EPB41L3: variants seen among roughly 807,000 people sequenced by gnomAD.
EPB41L3 encodes band 4.1-like protein 3.
In EPB41L3, 57 loss-of-function variants were observed where a neutral mutation model predicts 127.1. That is an observed-to-expected ratio of 0.45 (90% CI 0.36 to 0.56). EPB41L3 has a LOEUF of 0.56. Among genes scored for constraint, EPB41L3 ranks in the 20% least tolerant of loss-of-function variants. EPB41L3 has a pLI of 0.00. For missense variants in EPB41L3, 1,273 were observed against 1,372.2 expected (o/e 0.93, Z 1.14); for synonymous variants, 572 against 549.5 (o/e 1.04, Z -0.57).
intron 3 of EPB41L3, among the ~76,000 whole-genome samples, chr18:5,456,467 T>C (rs1235824854): frequency 6.6e-6 from 1 of 152,218 alleles, no homozygotes; most frequent in Non-Finnish European, 1.5e-5. Context: ...TAATGAAATG[T>C]AAATAAGTGG....
chr18:5,520,557 T>TAAAAAAAAA (rs11339935), intron 1 of EPB41L3, among the ~76,000 whole-genome samples: 2 of 105,184 alleles, frequency 1.9e-5, no homozygotes, highest in Non-Finnish European at 2.1e-5. Flanking sequence ...TTTCCCAAAA[T>TAAAAAAAAA]AAAAAAAAAA....
At chr18:5,629,659 G>C (rs1274783993), upstream of EPB41L3, among the ~76,000 whole-genome samples, 1 of 152,174 alleles carries the variant, frequency 6.6e-6, no homozygotes, top group African/African-American at 2.4e-5. Flanking sequence ...CGCTCTCTGG[G>C]CTAGCGGTTC....
At chr18:5,435,218 T>C (rs2079586830) in intron 6 of EPB41L3, among the ~76,000 whole-genome samples, 2 of 152,152 alleles carry the variant, frequency 1.3e-5, no homozygotes, top group Non-Finnish European at 1.5e-5. Context: ...TACAGTAAGC[T>C]AAGGTTAATT....
At chr18:5,399,348 G>A (rs1319505963) in intron 16 of EPB41L3, 1 of 398,810 alleles carries the variant, frequency 2.5e-6, no homozygotes, top group Non-Finnish European at 4.4e-6. Flanking sequence ...AACTACCTCA[G>A]TTGGTATTCT....
intron 16 of EPB41L3, among the ~76,000 whole-genome samples, chr18:5,404,005 AT>A (rs1020351925): frequency 1.3e-5 from 2 of 152,218 alleles, no homozygotes; most frequent in African/African-American, 4.8e-5. Context: ...ATAGGCAATA[AT>A]TTAGAGCAAA....
intron 1 of EPB41L3, among the ~76,000 whole-genome samples, chr18:5,495,239 T>C (rs749711928): frequency 2.0e-5 from 3 of 152,140 alleles, no homozygotes; most frequent in Non-Finnish European, 2.9e-5. Context: ...TTTAAGATTA[T>C]GTAAGAAGCA....
intron 1 of EPB41L3, among the ~76,000 whole-genome samples, chr18:5,628,534 C>T (rs2094949355): frequency 1.3e-5 from 2 of 152,346 alleles, no homozygotes; most frequent in South Asian, 4.1e-4. Context: ...ACTGCGCTAC[C>T]CGCCAGAGCC....
chr18:5,428,108 G>A (rs1317123442), intron 9 of EPB41L3, among the ~76,000 whole-genome samples: 2 of 152,082 alleles, frequency 1.3e-5, no homozygotes, highest in African/African-American at 4.8e-5. Context: ...ATTAACGTAT[G>A]CAGTAGGAAA....
At chr18:5,596,040 G>C (rs751614270) in intron 3 of EPB41L3, among the ~76,000 whole-genome samples, 1 of 152,170 alleles carries the variant, frequency 6.6e-6, no homozygotes, top group Non-Finnish European at 1.5e-5. Context: ...TTTAAACAAT[G>C]AGGTATAAGA....
intron 1 of EPB41L3, among the ~76,000 whole-genome samples, chr18:5,523,037 C>G (rs2093060890): frequency 6.6e-6 from 1 of 151,976 alleles, no homozygotes; most frequent in Non-Finnish European, 1.5e-5. Flanking sequence ...AATTCAAGGA[C>G]CTAGTATCAA....
intron 6 of EPB41L3, among the ~76,000 whole-genome samples, chr18:5,437,640 GTGTGTGTA>G (rs1437319441): frequency 6.6e-6 from 1 of 152,172 alleles, no homozygotes; most frequent in Non-Finnish European, 1.5e-5. Flanking sequence ...AAATTTATGT[GTGTGTGTA>G]TGTGTTGGTT....
At chr18:5,576,775 A>G (rs1479475530) in intron 3 of EPB41L3, among the ~76,000 whole-genome samples, 1 of 152,226 alleles carries the variant, frequency 6.6e-6, no homozygotes, top group African/African-American at 2.4e-5. Context: ...TACAAAATAA[A>G]CTGAAATTAT....
upstream of EPB41L3, among the ~76,000 whole-genome samples, chr18:5,629,892 G>A (rs148470805): frequency 8.3e-4 from 127 of 152,250 alleles, 1 homozygote; most frequent in South Asian, 0.011. Flanking sequence ...ACAGAGTCTC[G>A]GAATAGGCTA....
At chr18:5,445,118 T>C (rs1010751617) in intron 4 of EPB41L3, 22 bp downstream of exon 4, 1 of 1,589,978 alleles carries the variant, frequency 6.3e-7, no homozygotes, top group African/African-American at 1.3e-5. Flanking sequence ...CATCTTATTT[T>C]GCATTGCTTT....
At position 5,524,993 on chromosome 18, in the gene EPB41L3, C is replaced by G. The variant is rs531725200; in HGVS notation, c.-12+18920G>C. On this transcript the variant is annotated intron_variant, in intron 1 of 22. Coordinates refer to ENST00000341928, the MANE Select transcript of EPB41L3 (RefSeq NM_012307.5). ...AAAAGCTCCCACTGTGAGCTCAAACCTCTTGATTGAACTTATTTCAGTTCT... is the reference window on the plus strand; with the variant it reads ...AAAAGCTCCCACTGTGAGCTCAAACGTCTTGATTGAACTTATTTCAGTTCT... 8.0e-4 allele frequency among the ~76,000 whole-genome samples: 122 copies of G among 152,334 alleles called. 1 individual carries two copies. The Middle Eastern group carries it at 0.02, about 25-fold the overall frequency.
chr18:5,561,052 A>C (rs1390861008), intron 3 of EPB41L3, among the ~76,000 whole-genome samples: 6 of 145,840 alleles, frequency 4.1e-5, no homozygotes, highest in Admixed American at 3.4e-4. Flanking sequence ...ATCGCGGCTC[A>C]CTGCAAGCTC....
intron 3 of EPB41L3, among the ~76,000 whole-genome samples, chr18:5,564,601 G>A (rs1255657627): frequency 6.6e-6 from 1 of 152,082 alleles, no homozygotes; most frequent in African/African-American, 2.4e-5. Flanking sequence ...CCCTTGAACT[G>A]AGGGCTTCTC....
intron 2 of EPB41L3, among the ~76,000 whole-genome samples, chr18:5,613,583 T>C (rs1334749695): frequency 6.6e-6 from 1 of 152,232 alleles, no homozygotes; most frequent in East Asian, 1.9e-4. Context: ...TAAGATCCTT[T>C]CAGGGACCCG....
chr18:5,453,377 C>G (rs1304974312), intron 3 of EPB41L3, among the ~76,000 whole-genome samples: 1 of 152,130 alleles, frequency 6.6e-6, no homozygotes, highest in Non-Finnish European at 1.5e-5. Flanking sequence ...AAGCAGCAGT[C>G]CCTGCTGCTC....
Sources: allele counts gnomAD v4.1 joint callset (sites outside exome capture counted in the v4.1 genomes callset), GRCh38; gene constraint gnomAD v4.1.1; transcripts MANE v1.5; gene names NCBI Gene and HGNC (gene_info 2026-07-23, HGNC 2026-07-21).